The following KCNA6 variants were observed in gnomAD, a reference collection of about 807,000 sequenced individuals.
The protein encoded by KCNA6 is human brain potassium channel-2.
In KCNA6, 17 loss-of-function variants were observed where a neutral mutation model predicts 29.5. The ratio of observed to expected loss-of-function variants is 0.58; its 90% CI spans 0.39 to 0.86. The LOEUF is 0.86. Ranked by LOEUF, KCNA6 falls within the 40% of genes least tolerant of loss-of-function variation. The pLI is 0.00. For synonymous variants in KCNA6, 296 were observed against 304.7 expected, an observed-to-expected ratio of 0.97 and a Z score of 0.30; for missense variants, 450 against 703.4, an observed-to-expected ratio of 0.64 and a Z score of 4.07.
the KCNA6 span, among the ~76,000 whole-genome samples, chr12:4,821,360 G>A: frequency 6.6e-6 from 1 of 152,126 alleles, no homozygotes; most frequent in Non-Finnish European, 1.5e-5. Flanking sequence ...GAGAGCATAC[G>A]TGTGCACACG....
the KCNA6 span, among the ~76,000 whole-genome samples, chr12:4,836,354 A>G: frequency 6.6e-6 from 1 of 152,190 alleles, no homozygotes; most frequent in Non-Finnish European, 1.5e-5. Context: ...AAGGCAGGTA[A>G]CAGGTGGTCT....
chr12:4,811,328 C>T lies in KCNA6; in HGVS notation c.1287C>T (p.Tyr429=). 3 of 1,614,068 alleles carry T rather than the reference C, an allele frequency of 1.9e-6. No homozygotes were observed. The highest frequency in any genetic ancestry group is 2.5e-6 in the Non-Finnish European group (3 of 1,179,880). ...CCACGGTAGGTTACGGGGACATGTA[C>T]CCCATGACTGTGGGGGGAAAGATCG... The change falls in exon 1 of 1, where the codon TAC becomes TAT. Residue 429 remains tyrosine, a synonymous_variant. Transcript: ENST00000280684. The surrounding 1 kb of genome is among the most constrained non-coding windows in gnomAD (Gnocchi z 7.1).
chr12:4,830,046 T>C, the KCNA6 span, among the ~76,000 whole-genome samples: 1 of 152,164 alleles, frequency 6.6e-6, no homozygotes, highest in Admixed American at 6.5e-5. Context: ...CAATTGCCTC[T>C]CCTAGTGCTG....
the KCNA6 span, among the ~76,000 whole-genome samples, chr12:4,827,798 T>C: frequency 1.3e-5 from 2 of 152,228 alleles, no homozygotes; most frequent in East Asian, 3.8e-4. Flanking sequence ...CTGCTGCTTT[T>C]CGGTGTGTGT....
the KCNA6 span, among the ~76,000 whole-genome samples, chr12:4,837,421 C>T: frequency 6.6e-6 from 1 of 152,198 alleles, no homozygotes; most frequent in East Asian, 1.9e-4. Context: ...ACCAGTCCCT[C>T]AGAAGCACAG....
chr12:4,837,883 G>C, the KCNA6 span, among the ~76,000 whole-genome samples: 1 of 151,858 alleles, frequency 6.6e-6, no homozygotes, highest in Non-Finnish European at 1.5e-5. Flanking sequence ...CATCTGCTGG[G>C]AGTGCATGGA....
At chr12:4,834,793 A>G in the KCNA6 span, among the ~76,000 whole-genome samples, 7 of 152,192 alleles carry the variant, frequency 4.6e-5, no homozygotes, top group Non-Finnish European at 1.0e-4. Flanking sequence ...TGGAGCCAAA[A>G]TCTGTGACAA....
chr12:4,841,397 A>C, the KCNA6 span, among the ~76,000 whole-genome samples: 1 of 152,182 alleles, frequency 6.6e-6, no homozygotes, highest in Non-Finnish European at 1.5e-5. Context: ...TATAAAAGTG[A>C]GAAGAAAATA....
the KCNA6 span, among the ~76,000 whole-genome samples, chr12:4,827,951 T>C: frequency 1.8e-4 from 28 of 152,248 alleles, no homozygotes; most frequent in African/African-American, 5.8e-4. Context: ...AATTGAACGC[T>C]TTATTTTCAG....
At chr12:4,850,694 T>C in the KCNA6 span, 13 of 406,832 alleles carry the variant, frequency 3.2e-5, no homozygotes, top group Non-Finnish European at 2.5e-5. The surrounding 1 kb of genome is among the most constrained non-coding windows in gnomAD (Gnocchi z 5.4). Flanking sequence ...CACAACCTCA[T>C]ATCACTAACT....
At chr12:4,833,947 T>TTTTA in the KCNA6 span, among the ~76,000 whole-genome samples, 1 of 144,312 alleles carries the variant, frequency 6.9e-6, no homozygotes. Flanking sequence ...TTTTTTTTTT[T>TTTTA]AGACAGGGTC....
chr12:4,850,780 A>G, the KCNA6 span: 1 of 454,140 alleles, frequency 2.2e-6, no homozygotes, highest in African/African-American at 2.0e-5. The surrounding 1 kb of genome is among the most constrained non-coding windows in gnomAD (Gnocchi z 5.4). Flanking sequence ...ATCTATGCAT[A>G]GAATTCTGAC....
downstream of KCNA6, among the ~76,000 whole-genome samples, chr12:4,816,310 C>T (rs139210512): frequency 3.6e-4 from 54 of 148,828 alleles, 1 homozygote; most frequent in East Asian, 6.3e-3. Context: ...GTGTGTGCTT[C>T]GTTTTGACAT....
At chr12:4,847,350 CTA>C in the KCNA6 span, among the ~76,000 whole-genome samples, 1 of 152,100 alleles carries the variant, frequency 6.6e-6, no homozygotes, top group African/African-American at 2.4e-5. Context: ...GTTTAAAAAA[CTA>C]TTTCTTTAAT....
the KCNA6 span, among the ~76,000 whole-genome samples, chr12:4,834,237 C>A: frequency 1.2e-4 from 18 of 152,200 alleles, no homozygotes; most frequent in Middle Eastern, 6.8e-3. Flanking sequence ...GCCCAGCCAG[C>A]CTGTCTTCTT....
chr12:4,811,340 G>C lies in KCNA6; in HGVS notation c.1299G>C (p.Val433=). The C allele has an allele frequency of 6.2e-7, 1 of 1,613,830 alleles. No homozygotes were observed. Residue 433 remains valine (V), a synonymous_variant, in exon 1 of 1, where the codon GTG becomes GTC. Transcript: ENST00000280684. The surrounding 1 kb of genome is among the most constrained non-coding windows in gnomAD (Gnocchi z 7.1). ...ACGGGGACATGTACCCCATGACTGT[G>C]GGGGGAAAGATCGTGGGCTCGCTGT... is the stretch of plus-strand genomic sequence containing the variant.
chr12:4,825,868 T>C, the KCNA6 span, among the ~76,000 whole-genome samples: 3 of 151,670 alleles, frequency 2.0e-5, no homozygotes, highest in Non-Finnish European at 4.4e-5. Flanking sequence ...TGCCTTACAC[T>C]GTAACAGCCA....
the KCNA6 span, chr12:4,839,216 G>C: frequency 6.6e-6 from 1 of 152,166 alleles, no homozygotes; most frequent in African/African-American, 2.4e-5. Flanking sequence ...AACTGCATGA[G>C]TCACTTATGC....
At chr12:4,842,058 TG>T in the KCNA6 span, among the ~76,000 whole-genome samples, 18 of 140,024 alleles carry the variant, frequency 1.3e-4, no homozygotes, top group African/African-American at 4.7e-4. Context: ...TGTGTGTGTG[TG>T]TGTCTGCTGA....
Sources: gnomAD v4.1 joint callset for allele counts (sites outside exome capture counted in the v4.1 genomes callset) on GRCh38, gnomAD v4.1.1 for gene constraint, Gnocchi (gnomAD v3.1) non-coding constraint, MANE v1.5 for transcripts, NCBI Gene and HGNC (gene_info 2026-07-23, HGNC 2026-07-21) for gene names.